MYO5B: variants seen among roughly 807,000 people sequenced by gnomAD.
The protein encoded by MYO5B is myosin VB, also known as unconventional myosin-Vb.
A neutral mutation model predicts 229.3 loss-of-function variants in MYO5B; 143 were observed. The observed-to-expected ratio is 0.62, with a 90% CI of 0.54 to 0.72. MYO5B has a LOEUF of 0.72. MYO5B is among the 30% of genes least tolerant of loss of function. The pLI, the probability that MYO5B is intolerant of heterozygous loss-of-function variation, is 0.00. For synonymous variants in MYO5B, 918 were observed against 885.2 expected (o/e 1.04, Z -0.66); for missense variants, 2,321 against 2,331.0 (o/e 1.00, Z 0.09).
intron 1 of MYO5B, among the ~76,000 whole-genome samples, chr18:50,167,691 C>T (rs1024208362): frequency 1.3e-5 from 2 of 152,170 alleles, no homozygotes; most frequent in Non-Finnish European, 2.9e-5. Flanking sequence ...CTCCAAGAAG[C>T]CCTCTCCCCC....
At chr18:50,175,427 T>A (rs2032981968) in intron 1 of MYO5B, among the ~76,000 whole-genome samples, 1 of 152,232 alleles carries the variant, frequency 6.6e-6, no homozygotes, top group Non-Finnish European at 1.5e-5. Flanking sequence ...TAAAGCATGT[T>A]TTAAACTATT....
chr18:49,946,542 C>T (rs2025375034), intron 14 of MYO5B, among the ~76,000 whole-genome samples: 1 of 152,204 alleles, frequency 6.6e-6, no homozygotes, highest in South Asian at 2.1e-4. Flanking sequence ...CCCCTTTCTC[C>T]TGCTTCCATT....
chr18:50,092,446 T>C (rs1443894478), intron 1 of MYO5B, among the ~76,000 whole-genome samples: 1 of 152,240 alleles, frequency 6.6e-6, no homozygotes, highest in Non-Finnish European at 1.5e-5. Flanking sequence ...CTGCTGCTGC[T>C]GCTGCGTTCT....
intron 1 of MYO5B, among the ~76,000 whole-genome samples, chr18:50,173,552 T>C (rs2032949940): frequency 6.6e-6 from 1 of 152,098 alleles, no homozygotes; most frequent in Non-Finnish European, 1.5e-5. Flanking sequence ...GGAAAACAGT[T>C]TCCATTATGC....
rs111844238 is a variant in MYO5B, at chr18:49,836,977, G to T, written c.5139-92C>A. 232 of 1,208,636 alleles carry T rather than the reference G, an allele frequency of 1.9e-4. 1 individual carries two copies. The highest frequency in any genetic ancestry group is 2.7e-4 in the Admixed American group (14 of 51,906). The allele number at this position is 1,208,636 out of a possible 1,614,324, so 74.9% of individuals were successfully genotyped here. ...TGTTGTGTTTTGCAGGCCCGCTGCA[G>T]CTAGTGCCATTATTTATCTCACACG... On this transcript the variant is annotated intron_variant, in intron 37 of 39. Transcript: ENST00000285039.
chr18:49,920,350 G>T (rs979086581), intron 17 of MYO5B, among the ~76,000 whole-genome samples: 1 of 152,078 alleles, frequency 6.6e-6, no homozygotes, highest in African/African-American at 2.4e-5. Flanking sequence ...GAGGTTTGTG[G>T]GTGGCCTTTA....
chr18:50,053,890 C>T (rs2030471600), intron 2 of MYO5B, among the ~76,000 whole-genome samples: 1 of 152,152 alleles, frequency 6.6e-6, no homozygotes, highest in Admixed American at 6.5e-5. Context: ...TATCTCCAAC[C>T]CAAACCTTTT....
chr18:50,030,241 C>T (rs2026372689), intron 4 of MYO5B, among the ~76,000 whole-genome samples: 1 of 152,110 alleles, frequency 6.6e-6, no homozygotes, highest in Non-Finnish European at 1.5e-5. Context: ...TTTTAATTGT[C>T]GTTTTGACCT....
chr18:50,111,258 G>T (rs1034483702), intron 1 of MYO5B, among the ~76,000 whole-genome samples: 13 of 152,196 alleles, frequency 8.5e-5, no homozygotes, highest in African/African-American at 2.7e-4. Flanking sequence ...TTTATAATCT[G>T]TAGCATTTTT....
intron 14 of MYO5B, among the ~76,000 whole-genome samples, chr18:49,944,529 G>A (rs1018073388): frequency 2.6e-5 from 4 of 152,112 alleles, no homozygotes; most frequent in Non-Finnish European, 5.9e-5. Flanking sequence ...GCATGGGGCT[G>A]GGTCAGGAGA....
At chr18:50,141,648 T>C (rs1328075310) in intron 1 of MYO5B, among the ~76,000 whole-genome samples, 2 of 152,188 alleles carry the variant, frequency 1.3e-5, no homozygotes, top group Admixed American at 6.5e-5. Context: ...AATCACACTA[T>C]TGGTATTTCT....
At position 49,951,679 on chromosome 18, in the gene MYO5B, T is replaced by A. The variant is rs561969504; in HGVS notation, c.1752+1581A>T. 8.5e-5 allele frequency among the ~76,000 whole-genome samples: 13 copies of A among 152,236 alleles called. No individual in the cohort carries two copies. The South Asian group carries it at 2.7e-3, about 32-fold the overall frequency. On this transcript the variant is annotated intron_variant, in intron 14 of 39. Coordinates refer to ENST00000285039, the MANE Select transcript of MYO5B (RefSeq NM_001080467.3). ...ACCAGACTCTGTATTAAATGAAAAG[T>A]ACCCACCTCTCTTCTCTCCATCCCT...
chr18:50,165,346 G>T (rs746433410), intron 1 of MYO5B, among the ~76,000 whole-genome samples: 1 of 152,032 alleles, frequency 6.6e-6, no homozygotes, highest in Non-Finnish European at 1.5e-5. Flanking sequence ...AGCCAGGCAC[G>T]GTGGCAGATG....
intron 1 of MYO5B, among the ~76,000 whole-genome samples, chr18:50,141,882 G>C (rs527614226): frequency 6.6e-5 from 10 of 152,126 alleles, no homozygotes; most frequent in Non-Finnish European, 1.5e-4. Context: ...CTCTCTAAAG[G>C]GGGTAAAGAC....
chr18:50,080,013 T>C (rs1024439178), intron 1 of MYO5B, among the ~76,000 whole-genome samples: 22 of 152,302 alleles, frequency 1.4e-4, no homozygotes, highest in Middle Eastern at 3.4e-3. Flanking sequence ...GTGGTAAATA[T>C]AAAGTTTACA....
At chr18:49,937,757 C>A (rs1364337947) in intron 14 of MYO5B, among the ~76,000 whole-genome samples, 1 of 151,772 alleles carries the variant, frequency 6.6e-6, no homozygotes, top group Non-Finnish European at 1.5e-5. Context: ...GTGTGTGATT[C>A]CATTTACATG....
At chr18:50,091,644 C>G (rs2031450776) in intron 1 of MYO5B, among the ~76,000 whole-genome samples, 1 of 152,138 alleles carries the variant, frequency 6.6e-6, no homozygotes, top group East Asian at 1.9e-4. Context: ...CTGTTTCTGT[C>G]TTTGTAGGAG....
intron 17 of MYO5B, among the ~76,000 whole-genome samples, chr18:49,928,002 G>C (rs1186010231): frequency 6.6e-6 from 1 of 151,996 alleles, no homozygotes; most frequent in South Asian, 2.1e-4. Context: ...TCCAACAAAG[G>C]ACTAATGTCC....
chr18:50,176,801 G>A (rs141941451), intron 1 of MYO5B, among the ~76,000 whole-genome samples: 2 of 152,122 alleles, frequency 1.3e-5, no homozygotes, highest in South Asian at 2.1e-4. Flanking sequence ...TTTTCTAAAG[G>A]CTGCAACTAT....
Sources: allele counts gnomAD v4.1 joint callset (sites outside exome capture counted in the v4.1 genomes callset), GRCh38; gene constraint gnomAD v4.1.1; transcripts MANE v1.5; gene names NCBI Gene and HGNC (gene_info 2026-07-23, HGNC 2026-07-21).